RNF168: variants seen among roughly 807,000 people sequenced by gnomAD.
RNF168 encodes the protein ring finger protein 168, also known as E3 ubiquitin-protein ligase RNF168.
In RNF168, 34 loss-of-function variants were observed where a neutral mutation model predicts 34.9. That is an observed-to-expected ratio of 0.97 (90% CI 0.74 to 1.30). The LOEUF (loss-of-function observed/expected upper bound fraction) is 1.30, where lower values mean the gene tolerates loss of function less well. Among genes scored for constraint, RNF168 ranks in the 50% most tolerant of loss-of-function variants. The probability of loss-of-function intolerance (pLI) is 0.00; values close to 1 mark genes in which losing one functional copy is unlikely to be tolerated. For synonymous variants in RNF168, 264 were observed against 254.7 expected, an observed-to-expected ratio of 1.04 and a Z score of -0.35; for missense variants, 725 against 682.5, an observed-to-expected ratio of 1.06 and a Z score of -0.69.
chr3:196,503,071 G>T lies in RNF168; in HGVS notation c.103C>A (p.Leu35Met). 6.2e-7 allele frequency: 1 copy of T among 1,614,186 alleles called. No individual in the cohort carries two copies. ...GTCGACTGGAAGCACGGTTTACACA[G>T]CGTGTGGTTACACGGGAGGGTGACG... The part of the protein sequence containing the change: ...EPVTLPCNHT[L>M]CKPCFQSTVE... The change falls in exon 1 of 6, where the codon CTG becomes ATG. Residue 35 changes from leucine to methionine, a missense_variant. By Grantham distance (15) the Leu-to-Met change is conservative (BLOSUM62 2). Coordinates refer to ENST00000318037, the MANE Select transcript of RNF168 (RefSeq NM_152617.4).
intron 1 of RNF168, among the ~76,000 whole-genome samples, chr3:196,491,514 C>T (rs568585502): frequency 2.0e-5 from 3 of 151,812 alleles, no homozygotes; most frequent in East Asian, 1.9e-4. Flanking sequence ...GGAGTGGTGG[C>T]AGGCACCTGT....
rs192885985 is a variant in RNF168, at chr3:196,484,895, A to C, written c.559-1004T>G. ...GGTCTCCAACTATTGGAATCAAGTG[A>C]TTCCCCCACCACAGCCTTCCAAAGT... On this transcript the variant is annotated intron_variant, in intron 3 of 5. Coordinates refer to ENST00000318037, the MANE Select transcript of RNF168 (RefSeq NM_152617.4). Among the ~76,000 whole-genome samples the C allele has an allele frequency of 2.5e-3, 382 of 152,204 alleles. 1 individual carries two copies. The highest frequency in any genetic ancestry group is 8.3e-3 in the African/African-American group (346 of 41,546).
intron 1 of RNF168, among the ~76,000 whole-genome samples, chr3:196,497,735 T>C (rs1732780129): frequency 6.6e-6 from 1 of 152,050 alleles, no homozygotes. Context: ...TGAAGGTAGC[T>C]AAAGGTTTCT....
intron 2 of RNF168, among the ~76,000 whole-genome samples, 158 bp downstream of exon 2, chr3:196,488,449 T>C (rs184734616): frequency 0.038 from 5,690 of 150,020 alleles, 352 homozygotes; most frequent in African/African-American, 0.13. Flanking sequence ...GCCACTGCAC[T>C]CCAGCCTGGG....
chr3:196,489,818 T>C (rs1185758278), intron 1 of RNF168, among the ~76,000 whole-genome samples: 2 of 152,192 alleles, frequency 1.3e-5, no homozygotes, highest in African/African-American at 4.8e-5. Flanking sequence ...ACCGTGGGAC[T>C]GAAAACAGAA....
At chr3:196,489,331 TG>T (rs911521932) in intron 1 of RNF168, among the ~76,000 whole-genome samples, 6 of 144,774 alleles carry the variant, frequency 4.1e-5, no homozygotes, top group East Asian at 3.9e-4. Flanking sequence ...TAAAAAAAAA[TG>T]TTTTTTTTTT....
intron 1 of RNF168, among the ~76,000 whole-genome samples, chr3:196,492,085 T>C (rs1392610837): frequency 6.6e-6 from 1 of 152,218 alleles, no homozygotes; most frequent in Non-Finnish European, 1.5e-5. Flanking sequence ...AACATGAATG[T>C]ACTTCATGTC....
In RNF168 at chr3:196,483,854, A is replaced by G. The variant is rs147030576; in HGVS notation, c.596T>C (p.Leu199Ser). The G allele has an allele frequency of 4.2e-5, 68 of 1,610,322 alleles. No homozygotes were observed. In the African/African-American group the frequency reaches 8.5e-4, roughly 20 times the overall value. ...AACTGGATCAGATTTTCTGGAATTC[A>G]AGGGAGAAGCCGAGATACTTCCCTC... Reference protein sequence around the residue: ...FCEGSISASPLNSRKSDPVTP... With the variant: ...FCEGSISASPSNSRKSDPVTP... The change falls in exon 4 of 6, where the codon TTG becomes TCG. Residue 199 changes from leucine (L) to serine (S), a missense_variant. Leu to Ser is a moderately radical substitution (Grantham distance 145). Transcript: ENST00000318037.
intron 4 of RNF168, among the ~76,000 whole-genome samples, chr3:196,481,682 G>GGTTTTTTTTTTT (rs1577512919): frequency 1.6e-5 from 1 of 62,362 alleles, no homozygotes; most frequent in African/African-American, 6.3e-5. Context: ...TTTCAGCTGC[G>GGTTTTTTTTTTT]TTTTTTTTTT....
rs561110220 is a variant in RNF168 at position 196,500,427 on chromosome 3, C to T, written c.301+2446G>A. Among the ~76,000 whole-genome samples, 216 of 152,240 alleles carry T rather than the reference C, an allele frequency of 1.4e-3. 1 individual carries two copies. The highest frequency in any genetic ancestry group is 3.4e-3 in the Middle Eastern group (1 of 294). On this transcript the variant is annotated intron_variant, in intron 1 of 5. Transcript: ENST00000318037. ...AAAAGGACAAAACCTATGAAAATTC[C>T]ACTTACAGGAGGTACCTAGAAGCAG...
At chr3:196,494,369 C>T (rs187628245) in intron 1 of RNF168, among the ~76,000 whole-genome samples, 25 of 152,210 alleles carry the variant, frequency 1.6e-4, no homozygotes, top group Non-Finnish European at 1.3e-4. Context: ...TCCTAGGCGG[C>T]CAGGACTCAT....
rs1732271008 is a variant in RNF168 at position 196,480,936 on chromosome 3, T to A, written c.680+2834A>T. On this transcript the variant is annotated intron_variant, in intron 4 of 5. Coordinates refer to ENST00000318037, the MANE Select transcript of RNF168 (RefSeq NM_152617.4). Reference sequence around the variant, plus strand: ...CTGGGATTATAGGCATGAGCCACCATGCTTGCCTCAGATTTTAACACATTT... The same window carrying A: ...CTGGGATTATAGGCATGAGCCACCAAGCTTGCCTCAGATTTTAACACATTT... Among the ~76,000 whole-genome samples, 3 of 152,200 alleles carry A rather than the reference T, an allele frequency of 2.0e-5. No individual in the cohort carries two copies. The South Asian group carries it at 6.2e-4, about 31-fold the overall frequency.
chr3:196,495,943 A>T (rs1732733285), intron 1 of RNF168, among the ~76,000 whole-genome samples: 2 of 152,298 alleles, frequency 1.3e-5, no homozygotes, highest in African/African-American at 4.8e-5. Context: ...TTCACTTTCA[A>T]ATACTTCATT....
intron 2 of RNF168, among the ~76,000 whole-genome samples, chr3:196,487,903 G>A (rs942895406): frequency 7.2e-5 from 11 of 152,222 alleles, no homozygotes; most frequent in African/African-American, 2.2e-4. Context: ...AAAACATAAT[G>A]CTTCACTATA....
chr3:196,492,806 T>TA (rs1168686345), intron 1 of RNF168, among the ~76,000 whole-genome samples: 2,075 of 151,052 alleles, frequency 0.014, 59 homozygotes, highest in African/African-American at 0.049. Context: ...ATAAATAAAA[T>TA]AAATAAATAG....
intron 1 of RNF168, among the ~76,000 whole-genome samples, chr3:196,489,838 T>C (rs73891259): frequency 0.038 from 5,740 of 152,230 alleles, 352 homozygotes; most frequent in African/African-American, 0.13. Flanking sequence ...ACTCGAGATT[T>C]ATAAGCTGTT....
intron 2 of RNF168, among the ~76,000 whole-genome samples, chr3:196,487,807 A>C (rs1340232542): frequency 6.6e-6 from 1 of 152,196 alleles, no homozygotes; most frequent in Non-Finnish European, 1.5e-5. Flanking sequence ...CCTGAGATGT[A>C]TTACAAGTGA....
In RNF168 at chr3:196,487,646, AAGAAT is replaced by A. The variant is rs1258846687; in HGVS notation, c.379-73_379-69del. On this transcript the variant is annotated intron_variant, in intron 2 of 5. Transcript: ENST00000318037. ...TGGTATACTTGCAATATTTCATAAC[AAGAAT>A]AGAAAAGTAGAAAAAGAACAAATTG... The A allele has an allele frequency of 2.1e-5, 30 of 1,397,000 alleles. No homozygotes were observed. In the African/African-American group the frequency reaches 2.7e-4, roughly 13 times the overall value. The allele number at this position is 1,397,000 out of a possible 1,614,324, so 86.5% of individuals were successfully genotyped here.
chr3:196,472,291 G>A lies in RNF168; in HGVS notation c.1244C>T (p.Ser415Phe). The A allele has an allele frequency of 3.1e-6, 5 of 1,613,928 alleles. No homozygotes were observed. Among genetic ancestry groups the A allele is most frequent in the Non-Finnish European group, 3.4e-6 (4 of 1,179,824 alleles). Residue 415 changes from serine (S) to phenylalanine (F), a missense_variant, in exon 6 of 6, where the codon TCC becomes TTC. Coordinates refer to ENST00000318037, the MANE Select transcript of RNF168 (RefSeq NM_152617.4). ...AKRRKVSPESSPDQEETEINF... is the reference protein window; with the variant it reads ...AKRRKVSPESFPDQEETEINF... ...TATTTCTGTTTCCTCTTGATCTGGG[G>A]AAGATTCGGGGGACACTTTTCTTCT...
Sources: gnomAD v4.1 joint callset for allele counts (sites outside exome capture counted in the v4.1 genomes callset) on GRCh38, gnomAD v4.1.1 for gene constraint, MANE v1.5 for transcripts, NCBI Gene and HGNC (gene_info 2026-07-23, HGNC 2026-07-21) for gene names.